SMG1: variants seen among roughly 807,000 people sequenced by gnomAD.
The protein encoded by SMG1 is SMG1 nonsense mediated mRNA decay associated PI3K related kinase.
A neutral mutation model predicts 419.9 loss-of-function variants in SMG1; 22 were observed. The ratio of observed to expected loss-of-function variants is 0.05; its 90% CI spans 0.04 to 0.07. The LOEUF (loss-of-function observed/expected upper bound fraction) is 0.07, where lower values mean the gene tolerates loss of function less well. SMG1 is among the 10% of genes least tolerant of loss of function. The pLI, the probability that SMG1 is intolerant of heterozygous loss-of-function variation, is 1.00. For missense variants in SMG1, 3,185 were observed against 4,342.0 expected, an observed-to-expected ratio of 0.73 and a Z score of 7.49; for synonymous variants, 1,538 against 1,553.5, an observed-to-expected ratio of 0.99 and a Z score of 0.23.
intron 1 of SMG1, among the ~76,000 whole-genome samples, chr16:18,901,197 A>G (rs970652218): frequency 6.6e-6 from 1 of 152,262 alleles, no homozygotes; most frequent in African/African-American, 2.4e-5. Context: ...GTCTATAATA[A>G]CCAAATCTTA....
intron 38 of SMG1, among the ~76,000 whole-genome samples, chr16:18,845,909 G>A (rs941353304): frequency 3.3e-5 from 5 of 151,800 alleles, no homozygotes; most frequent in African/African-American, 9.7e-5. Flanking sequence ...TCCACCTCCC[G>A]GGTTCAAGCA....
Position 18,853,575 on chromosome 16 carries a change from A to C in SMG1, c.4768+8T>G. The C allele has an allele frequency of 1.3e-6, 2 of 1,555,542 alleles. No homozygotes were observed. The highest frequency in any genetic ancestry group is 1.7e-6 in the Non-Finnish European group (2 of 1,151,834). On this transcript the variant is annotated splice_region_variant and intron_variant, in intron 31 of 62. Coordinates refer to ENST00000446231, the MANE Select transcript of SMG1 (RefSeq NM_015092.5). ...ATTAATATTCTAAAGCTAATAAAGC[A>C]ACTCTACCTGTAGATTCACTCTCGA...
At chr16:18,865,973 AT>A (rs558263330) in intron 23 of SMG1, among the ~76,000 whole-genome samples, 23 of 150,028 alleles carry the variant, frequency 1.5e-4, no homozygotes, top group Admixed American at 2.7e-4. Flanking sequence ...AACATGGCAA[AT>A]TTTTTTTTTA....
At chr16:18,858,585 C>T (rs1180805999) in intron 28 of SMG1, 5 of 224,666 alleles carry the variant, frequency 2.2e-5, no homozygotes, top group Admixed American at 5.4e-5. Flanking sequence ...AGCACATTTA[C>T]TATAAAGCAG....
chr16:18,817,182 TTACA>T (rs2032090102), intron 57 of SMG1, 105 bp downstream of exon 57: 3 of 728,460 alleles, frequency 4.1e-6, no homozygotes, highest in Non-Finnish European at 3.8e-6. Flanking sequence ...TAACAACCTC[TTACA>T]TACAGTATAT....
In SMG1 at chr16:18,841,710, T is replaced by C. The variant is rs2033938187; in HGVS notation, c.6551A>G (p.Glu2184Gly). 2 of 1,613,854 alleles carry C rather than the reference T, an allele frequency of 1.2e-6. No individual in the cohort carries two copies. The highest frequency in any genetic ancestry group is 1.6e-4 in the Middle Eastern group (1 of 6,084). ...NTMFATINRQ[E>G]TPRFHARHYS... ...GTGTCGAGCATGGAACCGGGGTGTTTCTTGGCGATTAATTGTAGCAAACAT... is the reference window on the plus strand; with the variant it reads ...GTGTCGAGCATGGAACCGGGGTGTTCCTTGGCGATTAATTGTAGCAAACAT... The change falls in exon 41 of 63, where the codon GAA (glutamate) becomes GGA (glycine). Residue 2184 changes from glutamate (E) to glycine (G), a missense_variant. Glu to Gly is a moderately conservative substitution (Grantham distance 98). Coordinates refer to ENST00000446231, the MANE Select transcript of SMG1 (RefSeq NM_015092.5).
chr16:18,894,056 CATAAATAAATAAATAAATAA>C (rs5816014), intron 3 of SMG1, among the ~76,000 whole-genome samples: 3 of 144,542 alleles, frequency 2.1e-5, no homozygotes, highest in South Asian at 4.5e-4. Context: ...TACTCCATCT[CATAAATAAATAAATAAATAA>C]ATAAATAAAT....
intron 60 of SMG1, among the ~76,000 whole-genome samples, chr16:18,813,883 TAGC>T (rs1013471106): frequency 6.6e-6 from 1 of 151,728 alleles, no homozygotes; most frequent in Non-Finnish European, 1.5e-5. Context: ...ATACAAAAAT[TAGC>T]AGGGCGTGGT....
chr16:18,811,377 CTTCGGATT>C (rs1351661301), intron 62 of SMG1, among the ~76,000 whole-genome samples: 6 of 152,154 alleles, frequency 3.9e-5, no homozygotes, highest in African/African-American at 1.4e-4. Flanking sequence ...TCTCAAAATG[CTTCGGATT>C]TGGAGCATAT....
At chr16:18,851,187 A>T (rs1223098872) in intron 33 of SMG1, among the ~76,000 whole-genome samples, 2 of 152,272 alleles carry the variant, frequency 1.3e-5, no homozygotes, top group Non-Finnish European at 2.9e-5. Context: ...AGAGACTTAG[A>T]TACGCTGCTG....
intron 1 of SMG1, among the ~76,000 whole-genome samples, chr16:18,920,188 CCTGA>C (rs1402041030): frequency 6.6e-6 from 1 of 151,894 alleles, no homozygotes; most frequent in Non-Finnish European, 1.5e-5. Flanking sequence ...TCACGACCAG[CCTGA>C]CTAACATGGT....
intron 35 of SMG1, among the ~76,000 whole-genome samples, chr16:18,849,622 G>C (rs1489387860): frequency 6.6e-6 from 1 of 152,170 alleles, no homozygotes; most frequent in Non-Finnish European, 1.5e-5. Context: ...AAATGTTACG[G>C]AGAAATGTAT....
chr16:18,898,212 C>T (rs894333779), intron 1 of SMG1, among the ~76,000 whole-genome samples: 24 of 152,286 alleles, frequency 1.6e-4, no homozygotes, highest in African/African-American at 5.3e-4. Flanking sequence ...ATGCAGACAA[C>T]AGGTCCAATT....
chr16:18,862,821 C>G (rs1235398574), intron 25 of SMG1, among the ~76,000 whole-genome samples: 3 of 152,198 alleles, frequency 2.0e-5, no homozygotes, highest in Admixed American at 2.0e-4. Flanking sequence ...TTAAGGCACT[C>G]CTAAACACAG....
intron 6 of SMG1, among the ~76,000 whole-genome samples, chr16:18,888,909 G>A (rs1330682088): frequency 1.4e-5 from 2 of 140,334 alleles, no homozygotes; most frequent in Admixed American, 7.8e-5. Flanking sequence ...TGCAAGCTCC[G>A]CCTCGCAGGT....
intron 6 of SMG1, among the ~76,000 whole-genome samples, chr16:18,887,388 G>T (rs540372460): frequency 1.3e-5 from 2 of 151,888 alleles, no homozygotes; most frequent in South Asian, 2.1e-4. Context: ...TGCCTATAAT[G>T]GAGTGCAGTA....
rs2038375841 is a variant in SMG1 at position 18,925,806 on chromosome 16, G to C, written c.92+144C>G. Reference sequence around the variant, plus strand: ...TCCCCGCGGCCTTCCTCCCCCAGCCGGGGCGGAGGAGACCCAGGAAGCCGC... The same window carrying C: ...TCCCCGCGGCCTTCCTCCCCCAGCCCGGGCGGAGGAGACCCAGGAAGCCGC... On this transcript the variant is annotated intron_variant, in intron 1 of 62. Transcript: ENST00000446231. 7.3e-6 allele frequency: 4 copies of C among 545,000 alleles called. 1 individual carries two copies. The South Asian group carries it at 8.8e-5, about 12-fold the overall frequency. 33.8% of individuals were successfully genotyped at this position (545,000 alleles called of 1,614,324 possible).
In SMG1 at chr16:18,894,918, C is replaced by T. The variant is rs545024286; in HGVS notation, c.412+1134G>A. Among the ~76,000 whole-genome samples the T allele has an allele frequency of 2.5e-4, 38 of 152,106 alleles. No homozygotes were observed. The South Asian group carries it at 7.9e-3, about 32-fold the overall frequency. ...CTGCAAGCTCCACCTCCCGGGTTCA[C>T]GCCAGTCTCCTGCCTCAGCCTCCCG... On this transcript the variant is annotated intron_variant, in intron 3 of 62. Transcript: ENST00000446231.
chr16:18,858,760 G>T (rs1469273005), intron 28 of SMG1: 2 of 361,522 alleles, frequency 5.5e-6, no homozygotes, highest in Non-Finnish European at 5.0e-6. Context: ...TAAAGGAACT[G>T]TCTTTACATA....
Sources: allele counts gnomAD v4.1 joint callset (sites outside exome capture counted in the v4.1 genomes callset), GRCh38; gene constraint gnomAD v4.1.1; transcripts MANE v1.5; gene names NCBI Gene and HGNC (gene_info 2026-07-23, HGNC 2026-07-21).